GOLGA3: variants seen among roughly 807,000 people sequenced by gnomAD.
The protein encoded by GOLGA3 is golgin subfamily A member 3.
In GOLGA3, 75 loss-of-function variants were observed where a neutral mutation model predicts 169.4. The ratio of observed to expected loss-of-function variants is 0.44; its 90% CI spans 0.37 to 0.54. The LOEUF is 0.54. Among genes scored for constraint, GOLGA3 ranks in the 20% least tolerant of loss-of-function variants. The pLI is 0.00. For synonymous variants in GOLGA3, 824 were observed against 822.4 expected (o/e 1.00, Z -0.03); for missense variants, 1,899 against 1,930.0 (o/e 0.98, Z 0.30).
chr12:132,812,024 C>A (rs866099599), intron 4 of GOLGA3, among the ~76,000 whole-genome samples: 1,143 of 88,192 alleles, frequency 0.013, 17 homozygotes, highest in African/African-American at 0.045. Context: ...AAAAAAAAAA[C>A]ATTAAAAAAA....
At chr12:132,823,161 G>A (rs746727288) in intron 1 of GOLGA3, among the ~76,000 whole-genome samples, 8 of 152,224 alleles carry the variant, frequency 5.3e-5, no homozygotes, top group Non-Finnish European at 7.3e-5. Flanking sequence ...GGCATCTCAC[G>A]GCAGGGCCCG....
intron 2 of GOLGA3, among the ~76,000 whole-genome samples, chr12:132,819,455 C>G (rs576572276): frequency 2.0e-3 from 300 of 152,110 alleles, no homozygotes; most frequent in African/African-American, 6.8e-3. Flanking sequence ...CGTGAACCCT[C>G]GAAGTGGAGC....
Position 132,777,866 on chromosome 12 carries a change from C to CTGGG in GOLGA3, c.3583-62_3583-61insCCCA. 6.3e-7 allele frequency: 1 copy of CTGGG among 1,582,372 alleles called. No individual in the cohort carries two copies. The highest frequency in any genetic ancestry group is 8.6e-7 in the Non-Finnish European group (1 of 1,161,730). On this transcript the variant is annotated intron_variant, in intron 18 of 23. Coordinates refer to ENST00000450791, the MANE Select transcript of GOLGA3 (RefSeq NM_001389683.1). This position sits in a 1 kb window ranked among gnomAD's most constrained non-coding sequence, Gnocchi z 4.7. ...GTGACACCCACAGCTTTATGACGTG[C>CTGGG]CGGGCGCAGGGGGTGAATGCACTCC...
intron 1 of GOLGA3, among the ~76,000 whole-genome samples, chr12:132,826,360 G>A (rs1031908810): frequency 1.3e-5 from 2 of 152,076 alleles, no homozygotes; most frequent in Admixed American, 1.3e-4. Flanking sequence ...AGCCATTACA[G>A]GTGGAACATG....
At chr12:132,825,631 G>A in intron 1 of GOLGA3, 1 of 710,730 alleles carries the variant, frequency 1.4e-6, no homozygotes, top group Non-Finnish European at 2.6e-6. Context: ...ACATCTGTGA[G>A]CTTCAGTTCC....
intron 7 of GOLGA3, among the ~76,000 whole-genome samples, chr12:132,803,746 C>G (rs2136553210): frequency 6.6e-6 from 1 of 152,312 alleles, no homozygotes; most frequent in South Asian, 2.1e-4. Context: ...ATCCAAGACC[C>G]AGTCTCACAG....
chr12:132,780,629 C>T (rs1206852191), intron 18 of GOLGA3, among the ~76,000 whole-genome samples, 169 bp downstream of exon 18: 1 of 152,262 alleles, frequency 6.6e-6, no homozygotes, highest in Non-Finnish European at 1.5e-5. Flanking sequence ...CTAACGCCAC[C>T]TTCTACGGAC....
rs764392819 is a variant in GOLGA3 at position 132,798,366 on chromosome 12, T to A, written c.1912A>T (p.Ile638Phe). The A allele has an allele frequency of 1.2e-6, 2 of 1,613,150 alleles. No individual in the cohort carries two copies. The highest frequency in any genetic ancestry group is 2.2e-5 in the South Asian group (2 of 90,982). Residue 638 changes from isoleucine (I) to phenylalanine (F), a missense_variant, in exon 9 of 24, where the codon ATC (isoleucine) becomes TTC (phenylalanine). By Grantham distance (21) the Ile-to-Phe change is conservative (BLOSUM62 0). Transcript: ENST00000450791. ...QHRSMKEKGR[I>F]AAQLQGIEAD... The stretch of plus-strand genomic sequence containing the variant: ...TCAATGCCCTGCAGCTGTGCCGCGA[T>A]GCGCCCCTTCTCCTTCATGGACCTG...
chr12:132,780,247 C>T lies in GOLGA3; in HGVS notation c.3582+551G>A, dbSNP rs544044716. The stretch of plus-strand genomic sequence containing the variant: ...CCCCCATGTGCACACACACGGCAAG[C>T]GTACTAGGAGTAGCTGCTCTGTGCC... On this transcript the variant is annotated intron_variant, in intron 18 of 23. Transcript: ENST00000450791. Among the ~76,000 whole-genome samples the T allele has an allele frequency of 3.3e-5, 5 of 152,188 alleles. No individual in the cohort carries two copies. In the East Asian group the frequency reaches 5.8e-4, roughly 18 times the overall value.
At position 132,815,017 on chromosome 12, in the gene GOLGA3, C is replaced by A. The variant is rs190001917; in HGVS notation, c.406+1523G>T. Among the ~76,000 whole-genome samples, 74 of 152,364 alleles carry A rather than the reference C, an allele frequency of 4.9e-4. No homozygotes were observed. The Middle Eastern group carries it at 0.014, about 28-fold the overall frequency. ...AGCATAATCACACAGCAACGCTTTA[C>A]ACATGACACCCTCCTTACAGGTAGA... On this transcript the variant is annotated intron_variant, in intron 3 of 23. Coordinates refer to ENST00000450791, the MANE Select transcript of GOLGA3 (RefSeq NM_001389683.1).
At chr12:132,795,044 G>A (rs776471944) in intron 11 of GOLGA3, among the ~76,000 whole-genome samples, 3 of 151,856 alleles carry the variant, frequency 2.0e-5, no homozygotes, top group Non-Finnish European at 4.4e-5. Flanking sequence ...AAAATTAGCT[G>A]GGTGTGGTGG....
At chr12:132,774,031 C>T (rs1337215344) in intron 23 of GOLGA3, 126 bp downstream of exon 23, 3 of 832,868 alleles carry the variant, frequency 3.6e-6, no homozygotes, top group Non-Finnish European at 5.5e-6. Flanking sequence ...ATGCGAGTCC[C>T]CCACCCTTAT....
chr12:132,815,770 C>T (rs1593373719), intron 3 of GOLGA3, among the ~76,000 whole-genome samples: 2 of 152,268 alleles, frequency 1.3e-5, no homozygotes, highest in African/African-American at 4.8e-5. Context: ...TGTGGTGACA[C>T]GCACCTGTGG....
intron 9 of GOLGA3, among the ~76,000 whole-genome samples, 185 bp downstream of exon 9, chr12:132,798,155 C>T (rs1490452487): frequency 1.0e-5 from 1 of 100,224 alleles, no homozygotes; most frequent in African/African-American, 4.1e-5. Flanking sequence ...CCATGCTAAG[C>T]CCCCACAGGT....
rs1949304103 is a variant in GOLGA3, at chr12:132,804,708, A to G, written c.1597+8T>C. On this transcript the variant is annotated splice_region_variant and intron_variant, in intron 7 of 23. Coordinates refer to ENST00000450791, the MANE Select transcript of GOLGA3 (RefSeq NM_001389683.1). The surrounding 1 kb of genome is among the most constrained non-coding windows in gnomAD (Gnocchi z 4.1). Reference sequence around the variant, plus strand: ...GGGAGGGGAGGGCGTGGCCAGGGCCAGCCTCACCTGTGTTGTCCTTGCTGA... The same window carrying G: ...GGGAGGGGAGGGCGTGGCCAGGGCCGGCCTCACCTGTGTTGTCCTTGCTGA... The G allele has an allele frequency of 6.2e-7, 1 of 1,605,098 alleles. No homozygotes were observed. The highest frequency in any genetic ancestry group is 8.5e-7 in the Non-Finnish European group (1 of 1,173,412).
intron 4 of GOLGA3, among the ~76,000 whole-genome samples, chr12:132,808,906 T>C (rs896102048): frequency 6.6e-6 from 1 of 151,550 alleles, no homozygotes; most frequent in Non-Finnish European, 1.5e-5. Flanking sequence ...GCGACGAGAG[T>C]GTAGAAATAA....
chr12:132,790,194 C>G (rs544154885), intron 12 of GOLGA3, among the ~76,000 whole-genome samples: 7 of 151,968 alleles, frequency 4.6e-5, no homozygotes, highest in African/African-American at 1.7e-4. Flanking sequence ...ATTAGTCGGG[C>G]GTGGTGGCCG....
Position 132,774,259 on chromosome 12 carries a change from T to C in GOLGA3, c.4205A>G (p.Asp1402Gly), listed in dbSNP as rs762270884. ...CAGCAGCGAGGCGGGAACTGGGCAG[T>C]CCGGGATCTTGATGGGCGTGGCAGG... ...SNPATPIKIP[D>G]CPVPASLLEE... The change falls in exon 23 of 24, where the codon GAC becomes GGC. Residue 1402 changes from aspartate to glycine, a missense_variant. Transcript: ENST00000450791. The C allele has an allele frequency of 7.4e-6, 12 of 1,612,688 alleles. No homozygotes were observed. The highest frequency in any genetic ancestry group is 1.0e-5 in the Non-Finnish European group (12 of 1,180,016).
intron 3 of GOLGA3, 40 bp from the exon 4 acceptor site, chr12:132,813,459 C>T (rs368327435): frequency 1.3e-4 from 146 of 1,122,344 alleles, no homozygotes; most frequent in Non-Finnish European, 1.9e-4. Context: ...TCATAAAATA[C>T]CAGGATGCAG....
Sources: allele counts gnomAD v4.1 joint callset (sites outside exome capture counted in the v4.1 genomes callset), GRCh38; gene constraint gnomAD v4.1.1; non-coding constraint Gnocchi (gnomAD v3.1); transcripts MANE v1.5; gene names NCBI Gene and HGNC (gene_info 2026-07-23, HGNC 2026-07-21).